Variants in DNAJC12 observed in about 807,000 individuals in gnomAD.
The protein encoded by DNAJC12 is DnaJ heat shock protein family (Hsp40) member C12.
In DNAJC12, 25 loss-of-function variants were observed where a neutral mutation model predicts 28.5. That is an observed-to-expected ratio of 0.88 (90% CI 0.64 to 1.22). The LOEUF is 1.22. DNAJC12 is among the 50% of genes most tolerant of loss of function. The pLI, the probability that DNAJC12 is intolerant of heterozygous loss-of-function variation, is 0.00. For missense variants in DNAJC12, 222 were observed against 231.7 expected (o/e 0.96, Z 0.27); for synonymous variants, 77 against 80.6 (o/e 0.95, Z 0.24).
chr10:67,837,735 A>G (rs556111415), intron 1 of DNAJC12, among the ~76,000 whole-genome samples, 199 bp downstream of exon 1: 55 of 152,324 alleles, frequency 3.6e-4, no homozygotes, highest in African/African-American at 1.2e-3. Context: ...TAAAATTCCC[A>G]TAGGACACTA....
intron 3 of DNAJC12, among the ~76,000 whole-genome samples, chr10:67,806,093 C>T (rs1198008900): frequency 6.6e-6 from 1 of 152,130 alleles, no homozygotes; most frequent in Non-Finnish European, 1.5e-5. Flanking sequence ...GATGAACTAA[C>T]AAATGAATAC....
intron 2 of DNAJC12, among the ~76,000 whole-genome samples, chr10:67,820,861 G>A (rs1447195163): frequency 2.4e-5 from 3 of 127,336 alleles, no homozygotes; most frequent in Non-Finnish European, 4.7e-5. Flanking sequence ...TCTGCTCACC[G>A]CAACCTCCGC....
chr10:67,809,919 G>A (rs112571922), intron 3 of DNAJC12, among the ~76,000 whole-genome samples: 3,450 of 152,106 alleles, frequency 0.023, 138 homozygotes, highest in African/African-American at 0.079. Context: ...TGATGGGTGC[G>A]CTAAAATTTC....
At chr10:67,832,277 A>AG (rs1842102277) in intron 1 of DNAJC12, among the ~76,000 whole-genome samples, 1 of 151,610 alleles carries the variant, frequency 6.6e-6, no homozygotes, top group Non-Finnish European at 1.5e-5. Flanking sequence ...AAAAAAAAAA[A>AG]AAAAGAAAAG....
At position 67,823,313 on chromosome 10, in the gene DNAJC12, C is replaced by A; in HGVS notation, c.157+1G>T. The A allele has an allele frequency of 6.2e-7, 1 of 1,613,696 alleles. No homozygotes were observed. Among genetic ancestry groups the A allele is most frequent in the Non-Finnish European group, 8.5e-7 (1 of 1,179,698 alleles). On this transcript the variant is annotated splice_donor_variant, in intron 2 of 4. Transcript: ENST00000225171. LOFTEE classifies it high-confidence loss of function. ...AGAAGTAGCCTTTATTAAGTTCTTACCAGCTTTGGGGTTTTCAGGATGCTT... is the reference window on the plus strand; with the variant it reads ...AGAAGTAGCCTTTATTAAGTTCTTAACAGCTTTGGGGTTTTCAGGATGCTT...
intron 1 of DNAJC12, among the ~76,000 whole-genome samples, chr10:67,830,998 C>T (rs1344441657): frequency 6.6e-6 from 1 of 152,144 alleles, no homozygotes; most frequent in Non-Finnish European, 1.5e-5. Flanking sequence ...ACCAGGCTGA[C>T]CAACATGGTG....
Position 67,811,657 on chromosome 10 carries a change from G to C in DNAJC12, c.164C>G (p.Thr55Ser). 6.2e-7 allele frequency: 1 copy of C among 1,611,720 alleles called. No homozygotes were observed. The highest frequency in any genetic ancestry group is 8.5e-7 in the Non-Finnish European group (1 of 1,179,026). ...CTTTGCCTTCTGCAGTTTCTGAAAA[G>C]TCTCCACTGGAAAACAAATCAAGAA... Reference protein sequence around the residue: ...KHPENPKAVETFQKLQKAKEI... With the variant: ...KHPENPKAVESFQKLQKAKEI... Residue 55 changes from threonine (T) to serine (S), a missense_variant, in exon 3 of 5, where the codon ACT becomes AGT. Thr to Ser is a moderately conservative substitution (Grantham distance 58). Transcript: ENST00000225171.
intron 1 of DNAJC12, chr10:67,825,502 CA>C (rs1564865373): frequency 1.3e-5 from 2 of 152,348 alleles, no homozygotes; most frequent in African/African-American, 4.8e-5. Context: ...ACCCCGTTGG[CA>C]CAGCACTACA....
intron 1 of DNAJC12, among the ~76,000 whole-genome samples, chr10:67,826,559 CTAA>C (rs1386398286): frequency 3.7e-5 from 5 of 135,610 alleles, no homozygotes; most frequent in African/African-American, 5.5e-5. Flanking sequence ...TATAAGATAT[CTAA>C]TAATATATAT....
chr10:67,808,277 T>C (rs1295010908), intron 3 of DNAJC12, among the ~76,000 whole-genome samples: 6 of 152,094 alleles, frequency 3.9e-5, no homozygotes, highest in South Asian at 2.1e-4. Flanking sequence ...AGCAAGATAA[T>C]AAAATGCACA....
At chr10:67,805,442 C>G in intron 4 of DNAJC12, 141 bp downstream of exon 4, 1 of 884,232 alleles carries the variant, frequency 1.1e-6, no homozygotes, top group Non-Finnish European at 1.7e-6. Context: ...GGTGTCAATG[C>G]TAAGTGTCTT....
intron 2 of DNAJC12, among the ~76,000 whole-genome samples, chr10:67,819,071 C>A (rs1281428491): frequency 6.6e-6 from 1 of 152,168 alleles, no homozygotes; most frequent in East Asian, 1.9e-4. Context: ...CGGTGGCTCA[C>A]GCCTGTAATC....
At position 67,813,358 on chromosome 10, in the gene DNAJC12, G is replaced by A. The variant is rs188061731; in HGVS notation, c.158-1695C>T. 9.2e-5 allele frequency among the ~76,000 whole-genome samples: 14 copies of A among 152,132 alleles called. No homozygotes were observed. The South Asian group carries it at 1.0e-3, about 11-fold the overall frequency. On this transcript the variant is annotated intron_variant, in intron 2 of 4. Coordinates refer to ENST00000225171, the MANE Select transcript of DNAJC12 (RefSeq NM_021800.3). ...AGCCTAGATGACAGAGCGAGACTCC[G>A]TCTCCAAAAAATAAAAAATCAATAT...
intron 4 of DNAJC12, among the ~76,000 whole-genome samples, chr10:67,799,021 TCCCAAAGTG>T (rs1246218928): frequency 9.9e-5 from 15 of 152,164 alleles, no homozygotes; most frequent in Non-Finnish European, 1.5e-4. Flanking sequence ...TGCCTCAGCC[TCCCAAAGTG>T]CTGGGATTAC....
At position 67,796,900 on chromosome 10, in the gene DNAJC12, C is replaced by A; in HGVS notation, c.*216G>T. ...ATACAATCTACTCTGTATCTAAGAG[C>A]TTTAATTTATTCAAATATTGGAAGA... On this transcript the variant is annotated 3_prime_UTR_variant, in exon 5 of 5. Transcript: ENST00000225171. 4.4e-6 allele frequency: 2 copies of A among 449,554 alleles called. No individual in the cohort carries two copies. Among genetic ancestry groups the A allele is most frequent in the Non-Finnish European group, 4.0e-6 (1 of 251,860 alleles). 27.8% of individuals were successfully genotyped at this position (449,554 alleles called of 1,614,324 possible).
chr10:67,837,638 A>C (rs1035556771), intron 1 of DNAJC12, among the ~76,000 whole-genome samples: 2 of 152,188 alleles, frequency 1.3e-5, no homozygotes, highest in Non-Finnish European at 2.9e-5. Flanking sequence ...TTACAATAAA[A>C]TTTCAAATAT....
intron 2 of DNAJC12, among the ~76,000 whole-genome samples, chr10:67,819,779 G>GGGAAGGAAGGAAGGAAGGAAGGAAGGAA (rs144881348): frequency 3.9e-3 from 52 of 13,360 alleles, no homozygotes; most frequent in South Asian, 0.013. Flanking sequence ...AGGAAGGAAG[G>GGGAAGGAAGGAAGGAAGGAAGGAAGGAA]GGAAGGAAGG....
intron 4 of DNAJC12, among the ~76,000 whole-genome samples, chr10:67,803,737 AT>A (rs1249263012): frequency 1.3e-5 from 2 of 152,224 alleles, no homozygotes; most frequent in African/African-American, 4.8e-5. Flanking sequence ...AGAACTGAAC[AT>A]TCATCGTGTT....
At chr10:67,799,686 C>T (rs1422798865) in intron 4 of DNAJC12, among the ~76,000 whole-genome samples, 2 of 151,906 alleles carry the variant, frequency 1.3e-5, no homozygotes, top group African/African-American at 2.4e-5. Flanking sequence ...AATTCGAGAC[C>T]AGCCTGACCA....
Sources: gnomAD v4.1 joint callset for allele counts (sites outside exome capture counted in the v4.1 genomes callset) on GRCh38, gnomAD v4.1.1 for gene constraint, MANE v1.5 for transcripts, NCBI Gene and HGNC (gene_info 2026-07-23, HGNC 2026-07-21) for gene names.